The following PPP3CA variants were observed in gnomAD, a reference collection of about 807,000 sequenced individuals.
PPP3CA encodes the protein protein phosphatase 3 catalytic subunit alpha, also known as CAM-PRP catalytic subunit.
PPP3CA carries 14 observed loss-of-function variants against 66.5 expected under a neutral mutation model. That is an observed-to-expected ratio of 0.21 (90% CI 0.14 to 0.33). The LOEUF is 0.33. Ranked by LOEUF, PPP3CA falls within the 10% of genes least tolerant of loss-of-function variation. The probability of loss-of-function intolerance (pLI) is 1.00; values close to 1 mark genes in which losing one functional copy is unlikely to be tolerated. For missense variants in PPP3CA, 317 were observed against 639.5 expected, an observed-to-expected ratio of 0.50 and a Z score of 5.44; for synonymous variants, 232 against 226.2, an observed-to-expected ratio of 1.03 and a Z score of -0.23.
rs1361735053 is a variant in PPP3CA, at chr4:101,304,986, A to G, written c.58+41753T>C. On this transcript the variant is annotated intron_variant, in intron 1 of 13. Coordinates refer to ENST00000394854, the MANE Select transcript of PPP3CA (RefSeq NM_000944.5). ...CAACCCACTTTAGAAGAAAGCTATT[A>G]GTAAAACAAGGGTACAGTTACAAGC... Among the ~76,000 whole-genome samples, 8 of 152,360 alleles carry G rather than the reference A, an allele frequency of 5.3e-5. 1 individual carries two copies. Among genetic ancestry groups the G allele is most frequent in the Admixed American group, 5.2e-4 (8 of 15,302 alleles).
chr4:101,025,414 ATGTT>A lies in PPP3CA; in HGVS notation c.*447_*450del, dbSNP rs1169124756. ...TAGTTTGTACATCATTTTGTTAAAA[ATGTT>A]TGATGTCATCCATTTTTAGTGCTGC... is the stretch of plus-strand genomic sequence containing the variant. On this transcript the variant is annotated 3_prime_UTR_variant, in exon 14 of 14. Transcript: ENST00000394854. 6.6e-6 allele frequency: 1 copy of A among 152,490 alleles called. No individual in the cohort carries two copies. Among genetic ancestry groups the A allele is most frequent in the East Asian group, 1.9e-4 (1 of 5,178 alleles). 9.4% of individuals were successfully genotyped at this position (152,490 alleles called of 1,614,324 possible).
At chr4:101,060,076 C>T (rs191603453) in intron 10 of PPP3CA, among the ~76,000 whole-genome samples, 24 of 152,142 alleles carry the variant, frequency 1.6e-4, no homozygotes, top group African/African-American at 5.1e-4. Flanking sequence ...CCCTCAGATA[C>T]GGAGGGCTGA....
intron 8 of PPP3CA, among the ~76,000 whole-genome samples, chr4:101,071,621 C>A (rs551684473): frequency 1.3e-5 from 2 of 152,030 alleles, no homozygotes; most frequent in Non-Finnish European, 2.9e-5. Flanking sequence ...TTTGATTGAC[C>A]CTTTTCAGCT....
At chr4:101,297,438 T>C (rs1484590720) in intron 1 of PPP3CA, among the ~76,000 whole-genome samples, 4 of 152,198 alleles carry the variant, frequency 2.6e-5, no homozygotes, top group Admixed American at 1.3e-4. Context: ...ATACAGGTCA[T>C]TGCTTAACCT....
At chr4:101,171,187 T>G (rs1208882011) in intron 2 of PPP3CA, 1 of 455,970 alleles carries the variant, frequency 2.2e-6, no homozygotes, top group Non-Finnish European at 4.4e-6. Flanking sequence ...AGCCATCCGT[T>G]TTTACCTTGG....
chr4:101,279,314 T>C (rs1334041364), intron 1 of PPP3CA, among the ~76,000 whole-genome samples: 1 of 151,888 alleles, frequency 6.6e-6, no homozygotes, highest in Non-Finnish European at 1.5e-5. Context: ...AAGTTTGGGG[T>C]AGCTTAATTA....
intron 1 of PPP3CA, among the ~76,000 whole-genome samples, chr4:101,223,584 A>G (rs1297653047): frequency 6.6e-6 from 1 of 151,830 alleles, no homozygotes; most frequent in African/African-American, 2.4e-5. Context: ...TGGTATTTCA[A>G]TGTGGGATAC....
chr4:101,126,383 A>G (rs1722247169), intron 2 of PPP3CA, among the ~76,000 whole-genome samples: 1 of 152,228 alleles, frequency 6.6e-6, no homozygotes, highest in Non-Finnish European at 1.5e-5. Flanking sequence ...TCCTGTAAGG[A>G]TTAGAAAATT....
chr4:101,104,180 C>G (rs1042254471), intron 3 of PPP3CA, among the ~76,000 whole-genome samples: 7 of 152,142 alleles, frequency 4.6e-5, no homozygotes, highest in Non-Finnish European at 1.0e-4. Flanking sequence ...AAGTGCTCCC[C>G]TTTGCCCAGA....
chr4:101,034,824 T>C lies in PPP3CA; in HGVS notation c.1242-2460A>G, dbSNP rs562026203. On this transcript the variant is annotated intron_variant, in intron 11 of 13. Coordinates refer to ENST00000394854, the MANE Select transcript of PPP3CA (RefSeq NM_000944.5). ...ACTAGAGGTCCCATGAAGAAATACA[T>C]TGAATGATAATATGAGTTGGGAAAA... is the stretch of plus-strand genomic sequence containing the variant. Among the ~76,000 whole-genome samples the C allele has an allele frequency of 3.2e-3, 485 of 152,332 alleles. 4 individuals carry two copies. The highest frequency in any genetic ancestry group is 0.01 in the African/African-American group (434 of 41,588).
intron 3 of PPP3CA, among the ~76,000 whole-genome samples, chr4:101,102,123 C>T (rs564520254): frequency 2.0e-5 from 3 of 152,086 alleles, no homozygotes; most frequent in African/African-American, 7.2e-5. Flanking sequence ...TTAAATGATG[C>T]AACATACATG....
intron 3 of PPP3CA, among the ~76,000 whole-genome samples, chr4:101,100,420 C>T (rs894632607): frequency 5.9e-5 from 9 of 152,038 alleles, no homozygotes; most frequent in African/African-American, 2.2e-4. Flanking sequence ...AATCATTAAT[C>T]ATATTGTACT....
chr4:101,258,174 C>T (rs1022572267), intron 1 of PPP3CA, among the ~76,000 whole-genome samples: 1 of 152,072 alleles, frequency 6.6e-6, no homozygotes, highest in African/African-American at 2.4e-5. Context: ...ACAAAATTAT[C>T]ATAAACTTAT....
At position 101,278,593 on chromosome 4, in the gene PPP3CA, A is replaced by G. The variant is rs556878662; in HGVS notation, c.58+68146T>C. ...GAATATTAACTTCATTGTGTCCTGA[A>G]AAACAACTGATCATGAAGGCCAACC... On this transcript the variant is annotated intron_variant, in intron 1 of 13. Coordinates refer to ENST00000394854, the MANE Select transcript of PPP3CA (RefSeq NM_000944.5). Among the ~76,000 whole-genome samples, 9 of 152,332 alleles carry G rather than the reference A, an allele frequency of 5.9e-5. No homozygotes were observed. In the South Asian group the frequency reaches 1.2e-3, roughly 21 times the overall value.
At chr4:101,340,359 C>A (rs555426032) in intron 1 of PPP3CA, among the ~76,000 whole-genome samples, 2 of 152,248 alleles carry the variant, frequency 1.3e-5, no homozygotes, top group Non-Finnish European at 2.9e-5. Flanking sequence ...AAAGAATCTA[C>A]CTGAATTCCA....
At chr4:101,112,125 C>T (rs912218140) in intron 2 of PPP3CA, among the ~76,000 whole-genome samples, 5 of 151,634 alleles carry the variant, frequency 3.3e-5, no homozygotes, top group Non-Finnish European at 7.4e-5. Context: ...TTGTAAACTG[C>T]GGGTTAGGCA....
chr4:101,124,192 C>T (rs1418769131), intron 2 of PPP3CA, among the ~76,000 whole-genome samples: 1 of 152,100 alleles, frequency 6.6e-6, no homozygotes, highest in Non-Finnish European at 1.5e-5. Context: ...CCCAATTTTA[C>T]ATCTGTAGAT....
In PPP3CA at chr4:101,347,076, G is replaced by A; in HGVS notation, c.-280C>T. 2 of 552,496 alleles carry A rather than the reference G, an allele frequency of 3.6e-6. No individual in the cohort carries two copies. Among genetic ancestry groups the A allele is most frequent in the Non-Finnish European group, 6.4e-6 (2 of 312,456 alleles). 34.2% of individuals were successfully genotyped at this position (552,496 alleles called of 1,614,324 possible). On this transcript the variant is annotated 5_prime_UTR_variant, in exon 1 of 14. Coordinates refer to ENST00000394854, the MANE Select transcript of PPP3CA (RefSeq NM_000944.5). ...TGTGGTGGTTATTTATTTATTTTCT[G>A]AGCACGCCTCCCGGTTCTTCTTTTA...
chr4:101,214,944 A>T (rs1578561113), intron 1 of PPP3CA, among the ~76,000 whole-genome samples: 1 of 152,140 alleles, frequency 6.6e-6, no homozygotes, highest in East Asian at 1.9e-4. Context: ...TCTTTAGCCA[A>T]AATGTAAGAG....
Sources: allele counts gnomAD v4.1 joint callset (sites outside exome capture counted in the v4.1 genomes callset), GRCh38; gene constraint gnomAD v4.1.1; transcripts MANE v1.5; gene names NCBI Gene and HGNC (gene_info 2026-07-23, HGNC 2026-07-21).